PISD: variants seen among roughly 807,000 people sequenced by gnomAD.
PISD encodes phosphatidylserine decarboxylase, also known as phosphatidylserine decarboxylase proenzyme, mitochondrial.
PISD carries 31 observed loss-of-function variants against 43.5 expected under a neutral mutation model. The ratio of observed to expected loss-of-function variants is 0.71; its 90% CI spans 0.54 to 0.96. The LOEUF (loss-of-function observed/expected upper bound fraction) is 0.96. PISD is among the 40% of genes least tolerant of loss of function. The pLI is 0.00. For missense variants in PISD, 523 were observed against 548.4 expected (o/e 0.95, Z 0.46); for synonymous variants, 259 against 228.7 (o/e 1.13, Z -1.20).
At chr22:31,638,206 G>A (rs192040269) in intron 3 of PISD, among the ~76,000 whole-genome samples, 19 of 152,324 alleles carry the variant, frequency 1.2e-4, no homozygotes, top group Middle Eastern at 3.4e-3. Flanking sequence ...CTAGATCCAC[G>A]GGGCAGAGGC....
chr22:31,660,087 T>C (rs1333111589), intron 1 of PISD, among the ~76,000 whole-genome samples: 1 of 152,176 alleles, frequency 6.6e-6, no homozygotes, highest in Admixed American at 6.6e-5. Context: ...ACCTGAAATA[T>C]AAGGTTTTCA....
rs1025030242 is a variant in PISD, at chr22:31,634,191, T to C, written c.322-12306A>G. Among the ~76,000 whole-genome samples the C allele has an allele frequency of 2.0e-5, 3 of 152,162 alleles. No individual in the cohort carries two copies. The East Asian group carries it at 5.8e-4, about 29-fold the overall frequency. On this transcript the variant is annotated intron_variant, in intron 3 of 7. Coordinates refer to ENST00000439502, the MANE Select transcript of PISD (RefSeq NM_001326411.2). ...GGGGTAAAAGGTGTCCTCAGCTAAT[T>C]CTCATTTCCTGGCTCTTGGCTAATT...
At chr22:31,656,098 A>G (rs1465260985) in intron 1 of PISD, among the ~76,000 whole-genome samples, 1 of 147,752 alleles carries the variant, frequency 6.8e-6, no homozygotes, top group Non-Finnish European at 1.5e-5. Flanking sequence ...GTTTGAGACC[A>G]GCCTCGCCAA....
At chr22:31,661,348 T>C (rs1024023790) in intron 1 of PISD, among the ~76,000 whole-genome samples, 1 of 152,042 alleles carries the variant, frequency 6.6e-6, no homozygotes, top group African/African-American at 2.4e-5. Context: ...TCTCAAATCT[T>C]AGCTCTTTGA....
Position 31,618,522 on chromosome 22 carries a change from C to G in PISD, c.*1090G>C. 1 of 1,167,010 alleles carries G rather than the reference C, an allele frequency of 8.6e-7. No homozygotes were observed. The highest frequency in any genetic ancestry group is 1.1e-6 in the Non-Finnish European group (1 of 874,514). 72.3% of individuals were successfully genotyped at this position (1,167,010 alleles called of 1,614,324 possible). On this transcript the variant is annotated 3_prime_UTR_variant, in exon 8 of 8. Coordinates refer to ENST00000439502, the MANE Select transcript of PISD (RefSeq NM_001326411.2). Reference sequence around the variant, plus strand: ...GTTTGATTTTTTTTATTTCAAAATGCTTTGCAATTAAATGAATTACTGTTC... The same window carrying G: ...GTTTGATTTTTTTTATTTCAAAATGGTTTGCAATTAAATGAATTACTGTTC...
At position 31,650,849 on chromosome 22, in the gene PISD, T is replaced by C. The variant is rs933863813; in HGVS notation, c.66-71A>G. ...AAAATTACTGGATTAATCGGCAAAA[T>C]TTAAACACTCAATAACAATATTGTA... On this transcript the variant is annotated intron_variant, in intron 1 of 7. Transcript: ENST00000439502. 5.6e-6 allele frequency: 5 copies of C among 898,262 alleles called. No homozygotes were observed. In the East Asian group the frequency reaches 1.3e-4, roughly 24 times the overall value. 55.6% of individuals were successfully genotyped at this position (898,262 alleles called of 1,614,324 possible).
intron 3 of PISD, among the ~76,000 whole-genome samples, chr22:31,636,437 A>T (rs1272471876): frequency 6.6e-6 from 1 of 152,206 alleles, no homozygotes; most frequent in Non-Finnish European, 1.5e-5. Context: ...CATGCCTCAA[A>T]ACAATAAAAC....
At chr22:31,655,667 C>T (rs912738487) in intron 1 of PISD, among the ~76,000 whole-genome samples, 7 of 151,492 alleles carry the variant, frequency 4.6e-5, no homozygotes, top group African/African-American at 1.7e-4. Context: ...TGCAGTCTCG[C>T]TCCGTCACCC....
At chr22:31,656,537 T>C (rs1368963249) in intron 1 of PISD, among the ~76,000 whole-genome samples, 1 of 151,558 alleles carries the variant, frequency 6.6e-6, no homozygotes, top group East Asian at 1.9e-4. Flanking sequence ...TAGTCCCAGC[T>C]ACTCAGGACG....
Position 31,618,646 on chromosome 22 carries a change from G to A in PISD, c.*966C>T, listed in dbSNP as rs970385821. ...GCAGGAGAAATTCACAGCATCCCCAGGGTCAACATGAAATCTGGCCCTGTC... is the reference window on the plus strand; with the variant it reads ...GCAGGAGAAATTCACAGCATCCCCAAGGTCAACATGAAATCTGGCCCTGTC... On this transcript the variant is annotated 3_prime_UTR_variant, in exon 8 of 8. Transcript: ENST00000439502. 4.6e-6 allele frequency: 2 copies of A among 433,838 alleles called. No individual in the cohort carries two copies. The highest frequency in any genetic ancestry group is 2.0e-5 in the African/African-American group (1 of 48,988). The allele number at this position is 433,838 out of a possible 1,614,324, so 26.9% of individuals were successfully genotyped here. A position where few individuals can be genotyped will look rare whatever the true frequency, so the allele number is the denominator to read the frequency against.
intron 3 of PISD, among the ~76,000 whole-genome samples, chr22:31,634,771 G>C (rs532248399): frequency 1.4e-5 from 2 of 140,598 alleles, no homozygotes; most frequent in South Asian, 2.3e-4. Flanking sequence ...CTAGGAAGCA[G>C]AGGTTGCAGT....
chr22:31,627,354 G>C (rs951951432), intron 3 of PISD, among the ~76,000 whole-genome samples: 1 of 152,212 alleles, frequency 6.6e-6, no homozygotes, highest in Non-Finnish European at 1.5e-5. Context: ...GGCACAAGAG[G>C]CCCATTGCAT....
In PISD at chr22:31,627,195, G is replaced by C. The variant is rs115407295; in HGVS notation, c.322-5310C>G. ...AAGCGTGGATTTCTCCCCCGATCCA[G>C]GCTGGGGCTGGTCCAGGCCCCTCTC... On this transcript the variant is annotated intron_variant, in intron 3 of 7. Coordinates refer to ENST00000439502, the MANE Select transcript of PISD (RefSeq NM_001326411.2). 5.5e-3 allele frequency among the ~76,000 whole-genome samples: 837 copies of C among 152,372 alleles called. 5 individuals are homozygous for C. The highest frequency in any genetic ancestry group is 0.019 in the African/African-American group (795 of 41,590).
At chr22:31,643,142 G>GT (rs2073787442) in intron 3 of PISD, among the ~76,000 whole-genome samples, 1 of 151,250 alleles carries the variant, frequency 6.6e-6, no homozygotes, top group Non-Finnish European at 1.5e-5. Context: ...AAGACAGGAA[G>GT]TGAATGCATA....
intron 6 of PISD, 30 bp from the exon 7 acceptor site, chr22:31,620,743 C>A (rs186417251): frequency 1.2e-6 from 2 of 1,612,522 alleles, no homozygotes; most frequent in Non-Finnish European, 1.7e-6. Flanking sequence ...CGCTACTCCC[C>A]GTCCAGAGCC....
chr22:31,643,181 C>G (rs1429029356), intron 3 of PISD, among the ~76,000 whole-genome samples: 2 of 151,820 alleles, frequency 1.3e-5, no homozygotes, highest in African/African-American at 4.8e-5. Flanking sequence ...TAAGCAATCA[C>G]AGTCACATGG....
chr22:31,629,854 G>A (rs1242391936), intron 3 of PISD: 2 of 152,142 alleles, frequency 1.3e-5, no homozygotes, highest in Non-Finnish European at 2.9e-5. Flanking sequence ...AGGACCCTGA[G>A]AACTGGCTCC....
chr22:31,655,076 CA>C (rs1038608958), intron 1 of PISD, among the ~76,000 whole-genome samples: 1,923 of 57,158 alleles, frequency 0.034, 16 homozygotes, highest in Admixed American at 0.094. Flanking sequence ...ACTCTATCTC[CA>C]AAAAAAAAAA....
intron 3 of PISD, among the ~76,000 whole-genome samples, chr22:31,646,359 G>C (rs5998066): frequency 0.11 from 17,244 of 152,166 alleles, 1,152 homozygotes; most frequent in African/African-American, 0.18. Flanking sequence ...TTAGGCCACT[G>C]TACTCCAGTG....
Sources: gnomAD v4.1 joint callset for allele counts (sites outside exome capture counted in the v4.1 genomes callset) on GRCh38, gnomAD v4.1.1 for gene constraint, MANE v1.5 for transcripts, NCBI Gene and HGNC (gene_info 2026-07-23, HGNC 2026-07-21) for gene names.